The following CAMK2A variants were observed in gnomAD, a reference collection of about 807,000 sequenced individuals.
CAMK2A encodes calcium/calmodulin-dependent protein kinase type II subunit alpha.
CAMK2A carries 7 observed loss-of-function variants against 79.2 expected under a neutral mutation model. The observed-to-expected ratio is 0.09, with a 90% CI of 0.05 to 0.17. The LOEUF (loss-of-function observed/expected upper bound fraction) is 0.17, where lower values mean the gene tolerates loss of function less well. Among genes scored for constraint, CAMK2A ranks in the 10% least tolerant of loss-of-function variants. CAMK2A has a pLI of 1.00. For missense variants in CAMK2A, 214 were observed against 646.4 expected, an observed-to-expected ratio of 0.33 and a Z score of 7.25; for synonymous variants, 242 against 251.7, an observed-to-expected ratio of 0.96 and a Z score of 0.36.
At chr5:150,277,244 C>T (rs1442507204) in intron 1 of CAMK2A, among the ~76,000 whole-genome samples, 1 of 152,236 alleles carries the variant, frequency 6.6e-6, no homozygotes, top group East Asian at 1.9e-4. Flanking sequence ...TCCAAGGTCC[C>T]ACCCACACCT....
At chr5:150,251,644 C>A in intron 9 of CAMK2A, 106 bp downstream of exon 9, 2 of 793,298 alleles carry the variant, frequency 2.5e-6, no homozygotes, top group Non-Finnish European at 4.0e-6. Flanking sequence ...TCTTCATGCT[C>A]CCCTGGGGTT....
intron 18 of CAMK2A, 105 bp from the exon 19 acceptor site, chr5:150,222,818 C>T: frequency 6.8e-7 from 1 of 1,461,036 alleles, no homozygotes; most frequent in Non-Finnish European, 9.6e-7. Context: ...CTGGTGGCTC[C>T]TGCCCAGCTC....
chr5:150,264,306 C>T (rs1756416089), intron 3 of CAMK2A, among the ~76,000 whole-genome samples: 1 of 152,194 alleles, frequency 6.6e-6, no homozygotes, highest in Non-Finnish European at 1.5e-5. Context: ...ACAGCAATTC[C>T]CTGACAGAAT....
At chr5:150,268,088 C>T (rs1214443243) in intron 2 of CAMK2A, among the ~76,000 whole-genome samples, 20 of 152,042 alleles carry the variant, frequency 1.3e-4, no homozygotes, top group Admixed American at 1.3e-3. Context: ...CTGGCCTGGT[C>T]AGGCTGGTCT....
At chr5:150,248,235 G>A (rs1309073732) in intron 11 of CAMK2A, among the ~76,000 whole-genome samples, 1 of 150,994 alleles carries the variant, frequency 6.6e-6, no homozygotes, top group African/African-American at 2.4e-5. Flanking sequence ...AGAGCATCTT[G>A]CTCCAGGACT....
chr5:150,239,575 C>T, intron 14 of CAMK2A, 129 bp downstream of exon 14: 2 of 796,932 alleles, frequency 2.5e-6, no homozygotes, highest in East Asian at 2.5e-5. Flanking sequence ...TCACACAAGG[C>T]ACACGTACCA....
At chr5:150,254,441 G>A (rs1755966011) in intron 6 of CAMK2A, among the ~76,000 whole-genome samples, 1 of 152,214 alleles carries the variant, frequency 6.6e-6, no homozygotes, top group South Asian at 2.1e-4. Context: ...AGATCACGCA[G>A]CTGGTAAGGG....
At chr5:150,289,313 G>T (rs2150315276) in intron 1 of CAMK2A, among the ~76,000 whole-genome samples, 1 of 152,274 alleles carries the variant, frequency 6.6e-6, no homozygotes, top group Non-Finnish European at 1.5e-5. Flanking sequence ...GTGTGCACTG[G>T]CATACACTGT....
In CAMK2A at chr5:150,284,583, C is replaced by T. The variant is rs546135837; in HGVS notation, c.62+4981G>A. Among the ~76,000 whole-genome samples, 3 of 152,238 alleles carry T rather than the reference C, an allele frequency of 2.0e-5. No homozygotes were observed. Among genetic ancestry groups the T allele is most frequent in the South Asian group, 2.1e-4 (1 of 4,816 alleles). ...GCTGCGCGGGGGCGGAGGGCTGCAG[C>T]GTGCACCAGAACATGTGCGTGCCTG... On this transcript the variant is annotated intron_variant, in intron 1 of 18. Coordinates refer to ENST00000671881, the MANE Select transcript of CAMK2A (RefSeq NM_015981.4). This position sits in a 1 kb window ranked among gnomAD's most constrained non-coding sequence, Gnocchi z 5.3.
rs1562207384 is a variant in CAMK2A at position 150,284,244 on chromosome 5, C to T, written c.62+5320G>A. ...AGCCCTGCTAGCACCATCTTGCTAT[C>T]CCTGCACTGGGAGATGGACTCGTGC... On this transcript the variant is annotated intron_variant, in intron 1 of 18. Coordinates refer to ENST00000671881, the MANE Select transcript of CAMK2A (RefSeq NM_015981.4). The surrounding 1 kb of genome is among the most constrained non-coding windows in gnomAD (Gnocchi z 5.3). 6.6e-6 allele frequency among the ~76,000 whole-genome samples: 1 copy of T among 152,236 alleles called. No individual in the cohort carries two copies.
chr5:150,262,954 C>T (rs995814991), intron 3 of CAMK2A, among the ~76,000 whole-genome samples: 7 of 152,038 alleles, frequency 4.6e-5, no homozygotes, highest in Admixed American at 3.3e-4. Context: ...CTCATGGCCC[C>T]GAGGAATGAC....
Position 150,223,315 on chromosome 5 carries a change from G to A in CAMK2A, c.1238-98C>T. The A allele has an allele frequency of 1.0e-6, 1 of 974,144 alleles. No individual in the cohort carries two copies. The highest frequency in any genetic ancestry group is 2.6e-5 in the East Asian group (1 of 38,452). 60.3% of individuals were successfully genotyped at this position (974,144 alleles called of 1,614,324 possible). A position where few individuals can be genotyped will look rare whatever the true frequency, so the allele number is the denominator to read the frequency against. On this transcript the variant is annotated intron_variant, in intron 17 of 18. Coordinates refer to ENST00000671881, the MANE Select transcript of CAMK2A (RefSeq NM_015981.4). The surrounding 1 kb of genome is among the most constrained non-coding windows in gnomAD (Gnocchi z 4.1). The stretch of plus-strand genomic sequence containing the variant: ...ACTCCCAGCAGCCCTCTCAATGGAG[G>A]CGCCCTGCCTGACTCATTTGCAGGG...
At chr5:150,244,666 G>A (rs915790614) in intron 13 of CAMK2A, among the ~76,000 whole-genome samples, 140 of 152,292 alleles carry the variant, frequency 9.2e-4, no homozygotes, top group African/African-American at 3.0e-3. Context: ...GCCTTGCCGG[G>A]AGGGGGCACC....
At chr5:150,246,963 ACTGCCTGC>A (rs1755596159) in intron 12 of CAMK2A, among the ~76,000 whole-genome samples, 1 of 152,054 alleles carries the variant, frequency 6.6e-6, no homozygotes, top group African/African-American at 2.4e-5. Flanking sequence ...TATCTCCTCT[ACTGCCTGC>A]CAGCGGCCTG....
At chr5:150,235,440 A>T (rs1197022749) in intron 15 of CAMK2A, among the ~76,000 whole-genome samples, 1 of 152,238 alleles carries the variant, frequency 6.6e-6, no homozygotes, top group Non-Finnish European at 1.5e-5. Flanking sequence ...TCCCCTACAG[A>T]TGGGAAAGCC....
intron 1 of CAMK2A, among the ~76,000 whole-genome samples, chr5:150,286,749 G>T (rs1757440100): frequency 6.6e-6 from 1 of 152,264 alleles, no homozygotes. Context: ...CCAGCCAGGG[G>T]GGAAGCACGG....
At chr5:150,269,235 A>C (rs1053345777) in intron 2 of CAMK2A, among the ~76,000 whole-genome samples, 3 of 152,140 alleles carry the variant, frequency 2.0e-5, no homozygotes, top group Non-Finnish European at 4.4e-5. Context: ...CTTCCTCCCC[A>C]GATGGTTGGG....
chr5:150,244,351 A>G (rs990043531), intron 13 of CAMK2A, among the ~76,000 whole-genome samples: 2 of 152,224 alleles, frequency 1.3e-5, no homozygotes, highest in African/African-American at 4.8e-5. Context: ...ATCTGGCTGT[A>G]TTCATACAGC....
At chr5:150,288,115 G>A (rs888392932) in intron 1 of CAMK2A, among the ~76,000 whole-genome samples, 3 of 151,942 alleles carry the variant, frequency 2.0e-5, no homozygotes, top group South Asian at 2.1e-4. Flanking sequence ...ACACACATGC[G>A]TGTGCACACA....
Sources: allele counts gnomAD v4.1 joint callset (sites outside exome capture counted in the v4.1 genomes callset), GRCh38; gene constraint gnomAD v4.1.1; non-coding constraint Gnocchi (gnomAD v3.1); transcripts MANE v1.5; gene names NCBI Gene and HGNC (gene_info 2026-07-23, HGNC 2026-07-21).